Variants in MGAT4C observed in about 807,000 individuals in gnomAD.
MGAT4C encodes MGAT4 family member C, also known as alpha-1,3-mannosyl-glycoprotein 4-beta-N-acetylglucosaminyltransferase C.
Under a neutral mutation model 40.1 loss-of-function variants are expected in MGAT4C, and 19 were observed. That is an observed-to-expected ratio of 0.47 (90% confidence interval 0.33 to 0.70). MGAT4C has a LOEUF of 0.70. Among genes scored for constraint, MGAT4C ranks in the 30% least tolerant of loss-of-function variants. The pLI, the probability that MGAT4C is intolerant of heterozygous loss-of-function variation, is 0.02. For synonymous variants in MGAT4C, 181 were observed against 187.1 expected, an observed-to-expected ratio of 0.97 and a Z score of 0.27; for missense variants, 491 against 563.2, an observed-to-expected ratio of 0.87 and a Z score of 1.30.
chr12:86,088,929 T>C (rs151147643), intron 1 of MGAT4C, among the ~76,000 whole-genome samples: 9 of 152,176 alleles, frequency 5.9e-5, no homozygotes, highest in Non-Finnish European at 1.2e-4. Context: ...ATAGCAATTG[T>C]AAGTATTATT....
At chr12:86,132,889 A>G (rs1566029095) in intron 1 of MGAT4C, among the ~76,000 whole-genome samples, 1 of 152,128 alleles carries the variant, frequency 6.6e-6, no homozygotes, top group Non-Finnish European at 1.5e-5. Flanking sequence ...GTCAAATTAA[A>G]TCAAAGTACA....
chr12:86,491,199 C>T (rs1426225137), intron 2 of MGAT4C, among the ~76,000 whole-genome samples: 1 of 152,002 alleles, frequency 6.6e-6, no homozygotes, highest in Admixed American at 6.6e-5. Flanking sequence ...GATTCACAGC[C>T]GAATGCTACC....
At chr12:86,332,515 G>A (rs766303226) in intron 4 of MGAT4C, among the ~76,000 whole-genome samples, 3 of 151,378 alleles carry the variant, frequency 2.0e-5, no homozygotes, top group African/African-American at 7.3e-5. Flanking sequence ...TATTCCTCTC[G>A]AATTCAAACC....
chr12:86,783,378 A>T (rs1166893391), intron 1 of MGAT4C, among the ~76,000 whole-genome samples: 1 of 152,032 alleles, frequency 6.6e-6, no homozygotes, highest in Non-Finnish European at 1.5e-5. Flanking sequence ...CACATGCATC[A>T]TTTCAATTAT....
rs1278661750 is a variant in MGAT4C at position 86,014,964 on chromosome 12, C to T, written c.-6-25412G>A. ...ACCCGGCTAATTTTTCTTTATTTTT[C>T]ATTTTCTTTCTTTCTTTTTTTTTTT... On this transcript the variant is annotated intron_variant, in intron 2 of 4. Coordinates refer to ENST00000611864, the MANE Select transcript of MGAT4C (RefSeq NM_001351288.2). 2.7e-5 allele frequency among the ~76,000 whole-genome samples: 4 copies of T among 148,540 alleles called. No individual in the cohort carries two copies. In the South Asian group the frequency reaches 6.4e-4, roughly 24 times the overall value.
At chr12:86,011,864 C>T (rs7313442) in intron 2 of MGAT4C, 437,045 of 981,276 alleles carry the variant, frequency 0.45, 99,411 homozygotes, top group African/African-American at 0.53. Context: ...CAGGTGAGCA[C>T]ACCCTGATAA....
At chr12:86,582,936 A>G (rs1960854132) in intron 2 of MGAT4C, among the ~76,000 whole-genome samples, 1 of 151,366 alleles carries the variant, frequency 6.6e-6, no homozygotes, top group Non-Finnish European at 1.5e-5. Context: ...TAAAGACTAC[A>G]TAAATAAATA....
At chr12:86,017,299 C>G (rs562507426) in intron 2 of MGAT4C, among the ~76,000 whole-genome samples, 48 of 152,194 alleles carry the variant, frequency 3.2e-4, no homozygotes, top group African/African-American at 1.1e-3. Flanking sequence ...TTATTATCTA[C>G]AGCATGGTAC....
At chr12:86,212,221 C>T (rs922271050) in intron 1 of MGAT4C, among the ~76,000 whole-genome samples, 5 of 152,082 alleles carry the variant, frequency 3.3e-5, no homozygotes, top group South Asian at 2.1e-4. Flanking sequence ...AATAGCATCC[C>T]GCCAAATTAC....
chr12:86,256,793 T>A (rs145949691), upstream of MGAT4C, among the ~76,000 whole-genome samples: 4 of 152,302 alleles, frequency 2.6e-5, no homozygotes, highest in African/African-American at 9.6e-5. Context: ...TACTTTGCAT[T>A]GATTTTACAG....
intron 2 of MGAT4C, among the ~76,000 whole-genome samples, chr12:86,445,732 C>T (rs1189917728): frequency 1.3e-5 from 2 of 151,974 alleles, no homozygotes; most frequent in East Asian, 1.9e-4. Flanking sequence ...TTTTGCTATA[C>T]GTGACAACAT....
At chr12:86,378,105 T>C (rs1955864545) in intron 3 of MGAT4C, among the ~76,000 whole-genome samples, 1 of 152,200 alleles carries the variant, frequency 6.6e-6, no homozygotes, top group African/African-American at 2.4e-5. Flanking sequence ...CACTCATCTG[T>C]TAATAGATAT....
intron 1 of MGAT4C, among the ~76,000 whole-genome samples, chr12:86,100,061 C>T (rs1048537162): frequency 3.5e-5 from 5 of 143,470 alleles, no homozygotes; most frequent in Non-Finnish European, 7.7e-5. Flanking sequence ...CTATTAAATT[C>T]GAATAGCATT....
chr12:86,686,683 G>A lies in MGAT4C; in HGVS notation c.-229+40526C>T, dbSNP rs547025295. On this transcript the variant is annotated intron_variant, in intron 2 of 7. Transcript: ENST00000548651. ...ACCAGCCTTGCATCCCAGGGATGAA[G>A]TCAACTTGATCATGGTGGATAAGCT... Among the ~76,000 whole-genome samples, 3 of 152,288 alleles carry A rather than the reference G, an allele frequency of 2.0e-5. No individual in the cohort carries two copies. The South Asian group carries it at 6.2e-4, about 32-fold the overall frequency.
chr12:86,532,921 T>C (rs1261276479), intron 2 of MGAT4C, among the ~76,000 whole-genome samples: 1 of 152,016 alleles, frequency 6.6e-6, no homozygotes, highest in Non-Finnish European at 1.5e-5. Flanking sequence ...ACTCTGACAA[T>C]TACAGAGACG....
chr12:86,294,092 G>C (rs1953599204), intron 4 of MGAT4C, among the ~76,000 whole-genome samples: 1 of 151,244 alleles, frequency 6.6e-6, no homozygotes, highest in South Asian at 2.1e-4. Flanking sequence ...ATAGAATGGT[G>C]CCTGGCTCAT....
intron 1 of MGAT4C, 134 bp downstream of exon 1, chr12:86,256,105 C>T (rs1952505089): frequency 6.6e-6 from 1 of 151,962 alleles, no homozygotes; most frequent in Admixed American, 6.6e-5. Context: ...ACTCCATAGT[C>T]CTTTAAATAA....
intron 2 of MGAT4C, among the ~76,000 whole-genome samples, chr12:86,628,140 G>A (rs896283678): frequency 6.6e-6 from 1 of 152,126 alleles, no homozygotes; most frequent in Non-Finnish European, 1.5e-5. Context: ...GGAAGAAAGG[G>A]TATCAGTGAT....
chr12:86,506,485 A>T (rs888083664), intron 2 of MGAT4C, among the ~76,000 whole-genome samples: 1 of 152,212 alleles, frequency 6.6e-6, no homozygotes, highest in African/African-American at 2.4e-5. Flanking sequence ...ACATTGAATG[A>T]TTTAAAATTT....
Sources: allele counts gnomAD v4.1 joint callset (sites outside exome capture counted in the v4.1 genomes callset), GRCh38; gene constraint gnomAD v4.1.1; transcripts MANE v1.5; gene names NCBI Gene and HGNC (gene_info 2026-07-23, HGNC 2026-07-21).